CDH9: variants seen among roughly 807,000 people sequenced by gnomAD.
CDH9 encodes the protein cadherin 9.
In CDH9, 28 loss-of-function variants were observed where a neutral mutation model predicts 70.9. The observed-to-expected ratio is 0.40, with a 90% CI of 0.29 to 0.54. The LOEUF (loss-of-function observed/expected upper bound fraction) is 0.54. CDH9 is among the 20% of genes least tolerant of loss of function. The pLI is 0.59. For missense variants in CDH9, 874 were observed against 984.4 expected (o/e 0.89, Z 1.50); for synonymous variants, 409 against 343.1 (o/e 1.19, Z -2.12).
intron 2 of CDH9, among the ~76,000 whole-genome samples, chr5:26,967,652 C>T (rs1047540283): frequency 6.6e-6 from 1 of 152,054 alleles, no homozygotes; most frequent in South Asian, 2.1e-4. Context: ...TCTAGATGTA[C>T]TCACAACATC....
chr5:26,921,931 T>A (rs1741250645), intron 2 of CDH9, among the ~76,000 whole-genome samples: 1 of 150,352 alleles, frequency 6.7e-6, no homozygotes, highest in Non-Finnish European at 1.5e-5. Context: ...AAATGCACAC[T>A]GAAGAATGCA....
chr5:26,913,539 T>A (rs181315355), intron 3 of CDH9, among the ~76,000 whole-genome samples: 1 of 152,224 alleles, frequency 6.6e-6, no homozygotes, highest in Admixed American at 6.6e-5. Flanking sequence ...TGAATGCAAC[T>A]GACAATGGCT....
chr5:26,956,803 A>T (rs1741954147), intron 2 of CDH9, among the ~76,000 whole-genome samples: 1 of 152,182 alleles, frequency 6.6e-6, no homozygotes, highest in African/African-American at 2.4e-5. Context: ...AGTTTCAGTC[A>T]TGCTGTTATG....
chr5:26,916,402 T>C (rs546102318), intron 2 of CDH9, among the ~76,000 whole-genome samples: 1 of 152,082 alleles, frequency 6.6e-6, no homozygotes, highest in East Asian at 1.9e-4. Context: ...CAGTACAGAG[T>C]ATCCCCTTAT....
intron 8 of CDH9, 59 bp from the exon 9 acceptor site, chr5:26,890,016 TCACC>T (rs1561184113): frequency 4.6e-6 from 7 of 1,533,990 alleles, no homozygotes; most frequent in Non-Finnish European, 6.2e-6. Context: ...GTGAAACCAC[TCACC>T]CATTTGTAGC....
At chr5:26,922,650 G>A (rs1044302178) in intron 2 of CDH9, among the ~76,000 whole-genome samples, 1 of 151,592 alleles carries the variant, frequency 6.6e-6, no homozygotes, top group African/African-American at 2.4e-5. Flanking sequence ...ATCATCTGAA[G>A]GTACAAAACT....
At chr5:26,919,687 T>G in intron 2 of CDH9, among the ~76,000 whole-genome samples, 1 of 150,846 alleles carries the variant, frequency 6.6e-6, no homozygotes, top group African/African-American at 2.4e-5. Flanking sequence ...AAATAGGAGG[T>G]GGGAGGGGAA....
At chr5:26,981,897 T>G (rs1442415904) in intron 2 of CDH9, among the ~76,000 whole-genome samples, 1 of 152,036 alleles carries the variant, frequency 6.6e-6, no homozygotes, top group Non-Finnish European at 1.5e-5. Flanking sequence ...TTTTAAATTT[T>G]ATGTTCCTGG....
chr5:27,038,457 A>G lies in CDH9; in HGVS notation c.-50+6T>C, dbSNP rs537589858. 2.0e-5 allele frequency: 3 copies of G among 152,136 alleles called. No individual in the cohort carries two copies. The highest frequency in any genetic ancestry group is 7.2e-5 in the African/African-American group (3 of 41,552). 9.4% of individuals were successfully genotyped at this position (152,136 alleles called of 1,614,324 possible). A position where few individuals can be genotyped will look rare whatever the true frequency, so the allele number is the denominator to read the frequency against. On this transcript the variant is annotated splice_donor_region_variant and intron_variant, in intron 1 of 11. Transcript: ENST00000231021. ...TACATTGTCAAGCAAAGTAAATAAC[A>G]CTTACCTTGCTTAACAATGGAACTG...
At chr5:27,027,352 T>A (rs1196901017) in intron 1 of CDH9, among the ~76,000 whole-genome samples, 1 of 152,036 alleles carries the variant, frequency 6.6e-6, no homozygotes, top group Non-Finnish European at 1.5e-5. Context: ...ACAATGAAAT[T>A]AATCATTAAA....
intron 1 of CDH9, among the ~76,000 whole-genome samples, chr5:26,988,705 C>A (rs1742530635): frequency 6.6e-6 from 1 of 151,948 alleles, no homozygotes; most frequent in Non-Finnish European, 1.5e-5. Context: ...CATATTATCA[C>A]AGCAAATGTT....
chr5:27,001,125 A>G (rs1166545201), intron 1 of CDH9, among the ~76,000 whole-genome samples: 2 of 152,168 alleles, frequency 1.3e-5, no homozygotes, highest in Non-Finnish European at 2.9e-5. Flanking sequence ...ATTAAAAGAA[A>G]AAAACATTTA....
chr5:26,946,428 A>G (rs1178890543), intron 2 of CDH9, among the ~76,000 whole-genome samples: 3 of 151,582 alleles, frequency 2.0e-5, no homozygotes, highest in Non-Finnish European at 4.4e-5. Flanking sequence ...AAACCCACTA[A>G]TTATCATAAC....
intron 2 of CDH9, among the ~76,000 whole-genome samples, chr5:26,917,460 T>C (rs1741168989): frequency 6.6e-6 from 1 of 152,116 alleles, no homozygotes; most frequent in Admixed American, 6.6e-5. Flanking sequence ...ACCCCTGTTA[T>C]GTTGACTTAC....
chr5:26,930,988 C>T (rs1741452504), intron 2 of CDH9, among the ~76,000 whole-genome samples: 1 of 151,908 alleles, frequency 6.6e-6, no homozygotes, highest in Admixed American at 6.6e-5. Context: ...AAAAGAAAAC[C>T]AATTATAATC....
At chr5:26,949,798 C>A (rs893651637) in intron 2 of CDH9, among the ~76,000 whole-genome samples, 1 of 152,104 alleles carries the variant, frequency 6.6e-6, no homozygotes, top group Non-Finnish European at 1.5e-5. Flanking sequence ...TTGTAGGAGA[C>A]TTCCCATGGC....
At chr5:26,998,855 A>G (rs919118240) in intron 1 of CDH9, among the ~76,000 whole-genome samples, 1 of 152,190 alleles carries the variant, frequency 6.6e-6, no homozygotes, top group East Asian at 1.9e-4. Flanking sequence ...TTCCCTTAAG[A>G]TTACACAAGA....
At chr5:26,993,991 G>C (rs1742625179) in intron 1 of CDH9, among the ~76,000 whole-genome samples, 1 of 152,106 alleles carries the variant, frequency 6.6e-6, no homozygotes, top group Admixed American at 6.5e-5. Flanking sequence ...CATGGAGTTT[G>C]CCTTGTTGGG....
At chr5:26,896,540 C>G (rs201229808) in intron 7 of CDH9, among the ~76,000 whole-genome samples, 22 of 133,984 alleles carry the variant, frequency 1.6e-4, no homozygotes, top group East Asian at 2.6e-4. Flanking sequence ...TTTCATTATA[C>G]AATAGAATGA....
Sources: allele counts gnomAD v4.1 joint callset (sites outside exome capture counted in the v4.1 genomes callset), GRCh38; gene constraint gnomAD v4.1.1; transcripts MANE v1.5; gene names NCBI Gene and HGNC (gene_info 2026-07-23, HGNC 2026-07-21).